Variants in CCDC7 observed in about 807,000 individuals in gnomAD.
CCDC7 encodes coiled-coil domain containing 7.
Under a neutral mutation model 196.9 loss-of-function variants are expected in CCDC7, and 183 were observed. The observed-to-expected ratio is 0.93, with a 90% CI of 0.82 to 1.05. The LOEUF is 1.05. Among genes scored for constraint, CCDC7 ranks in the 50% least tolerant of loss-of-function variants. The pLI is 0.00. For synonymous variants in CCDC7, 525 were observed against 484.6 expected, an observed-to-expected ratio of 1.08 and a Z score of -1.10; for missense variants, 1,540 against 1,482.2, an observed-to-expected ratio of 1.04 and a Z score of -0.64.
chr10:32,555,249 A>ATT (rs35124238), intron 13 of CCDC7, among the ~76,000 whole-genome samples: 10 of 142,928 alleles, frequency 7.0e-5, no homozygotes, highest in Non-Finnish European at 9.2e-5. Context: ...TCTATTTTTA[A>ATT]TTTTTTTTTT....
At position 32,579,389 on chromosome 10, in the gene CCDC7, T is replaced by C. The variant is rs150864630; in HGVS notation, c.1455-3645T>C. Among the ~76,000 whole-genome samples, 1,114 of 152,326 alleles carry C rather than the reference T, an allele frequency of 7.3e-3. 7 individuals carry two copies. Among genetic ancestry groups the C allele is most frequent in the Non-Finnish European group, 0.012 (813 of 68,034 alleles). On this transcript the variant is annotated intron_variant, in intron 16 of 41. Transcript: ENST00000639629. ...TTTCACCATGTGCTTGGCCAGCCAT[T>C]ATGGAGGTTATCAATAGATAATTAT...
Position 32,525,919 on chromosome 10 carries a change from C to G in CCDC7, c.993+7414C>G, listed in dbSNP as rs80340520. ...GAACTGGGGGTGTGTTGTGCAAGCACCCCTGTGGTCACCACCATTGAGACT... is the reference window on the plus strand; with the variant it reads ...GAACTGGGGGTGTGTTGTGCAAGCAGCCCTGTGGTCACCACCATTGAGACT... On this transcript the variant is annotated intron_variant, in intron 11 of 41. Transcript: ENST00000639629. Among the ~76,000 whole-genome samples, 11 of 152,284 alleles carry G rather than the reference C, an allele frequency of 7.2e-5. No individual in the cohort carries two copies. In the East Asian group the frequency reaches 2.1e-3, roughly 29 times the overall value.
At chr10:32,610,917 C>G (rs1029950451) in intron 18 of CCDC7, among the ~76,000 whole-genome samples, 1 of 152,092 alleles carries the variant, frequency 6.6e-6, no homozygotes, top group African/African-American at 2.4e-5. Context: ...AAATAACTTA[C>G]AATCCTTTGA....
chr10:32,651,376 G>T (rs905485733), intron 20 of CCDC7, among the ~76,000 whole-genome samples: 4 of 152,138 alleles, frequency 2.6e-5, no homozygotes, highest in Non-Finnish European at 5.9e-5. Context: ...GGTGTTTTCT[G>T]TCCAGAGATT....
chr10:32,876,719 C>T (rs2094605418), downstream of CCDC7: 1 of 193,922 alleles, frequency 5.2e-6, no homozygotes, highest in African/African-American at 2.4e-5. Flanking sequence ...GCATAACCAA[C>T]TTAGAAAAAG....
intron 28 of CCDC7, among the ~76,000 whole-genome samples, chr10:32,756,062 G>T (rs1458120326): frequency 6.6e-6 from 1 of 152,098 alleles, no homozygotes; most frequent in African/African-American, 2.4e-5. Flanking sequence ...AGAGAAAAAA[G>T]AATAAAAAGA....
chr10:32,632,724 A>C (rs1371898305), intron 18 of CCDC7, among the ~76,000 whole-genome samples: 1 of 152,012 alleles, frequency 6.6e-6, no homozygotes, highest in African/African-American at 2.4e-5. Flanking sequence ...GTGTTGTTTA[A>C]ATTCCACTTA....
intron 41 of CCDC7, among the ~76,000 whole-genome samples, chr10:32,865,402 TACAC>T (rs57916933): frequency 0.58 from 86,867 of 148,692 alleles, 25,641 homozygotes; most frequent in South Asian, 0.68. Context: ...ACTCCTATTA[TACAC>T]ACACACACAC....
At chr10:32,676,514 A>G (rs1222235174) in intron 21 of CCDC7, among the ~76,000 whole-genome samples, 5 of 151,992 alleles carry the variant, frequency 3.3e-5, no homozygotes, top group Non-Finnish European at 7.4e-5. Flanking sequence ...AACTCAAACA[A>G]ATTTACAAGA....
intron 37 of CCDC7, among the ~76,000 whole-genome samples, chr10:32,846,950 A>G (rs2093322986): frequency 6.6e-6 from 1 of 152,230 alleles, no homozygotes; most frequent in African/African-American, 2.4e-5. Flanking sequence ...TTCAGAGATT[A>G]CATTACTGGC....
At position 32,832,418 on chromosome 10, in the gene CCDC7, G is replaced by T. The variant is rs531834133; in HGVS notation, c.3269-2397G>T. ...CTCATGAGGCTGAGGCAGGAGAATC[G>T]CTTGAACCCGGGAGGTGGAGTTTGC... On this transcript the variant is annotated intron_variant, in intron 32 of 41. Transcript: ENST00000639629. Among the ~76,000 whole-genome samples the T allele has an allele frequency of 2.0e-5, 3 of 152,130 alleles. No homozygotes were observed. In the South Asian group the frequency reaches 6.2e-4, roughly 32 times the overall value.
chr10:32,502,842 T>G (rs923665419), intron 9 of CCDC7, among the ~76,000 whole-genome samples: 11 of 152,212 alleles, frequency 7.2e-5, no homozygotes, highest in Admixed American at 2.6e-4. Context: ...CAACATCTTA[T>G]AGTTTTCAGT....
At chr10:32,870,189 A>G (rs2094375482) in intron 41 of CCDC7, among the ~76,000 whole-genome samples, 1 of 152,082 alleles carries the variant, frequency 6.6e-6, no homozygotes, top group African/African-American at 2.4e-5. Flanking sequence ...CTTGGGCAGT[A>G]TGGCCATTTT....
intron 28 of CCDC7, among the ~76,000 whole-genome samples, chr10:32,752,831 C>T (rs779719194): frequency 7.2e-5 from 11 of 152,144 alleles, no homozygotes; most frequent in Non-Finnish European, 1.5e-4. Flanking sequence ...ACCTTGGTCT[C>T]AGACCCCTGT....
At chr10:32,693,255 A>G (rs913256890) in intron 23 of CCDC7, among the ~76,000 whole-genome samples, 2 of 152,210 alleles carry the variant, frequency 1.3e-5, no homozygotes, top group African/African-American at 2.4e-5. Flanking sequence ...GTAAAACAAT[A>G]TATATGCAAA....
Position 32,567,906 on chromosome 10 carries a change from A to G in CCDC7, c.1419+15A>G. Reference sequence around the variant, plus strand: ...AATATCCACAGGTGAGGAAATAACCAAAATGGAGACAGTAGTATATGTTGT... The same window carrying G: ...AATATCCACAGGTGAGGAAATAACCGAAATGGAGACAGTAGTATATGTTGT... On this transcript the variant is annotated intron_variant, in intron 15 of 41. Transcript: ENST00000639629. The G allele has an allele frequency of 6.2e-7, 1 of 1,606,476 alleles. No homozygotes were observed.
chr10:32,506,985 T>C (rs943461099), intron 9 of CCDC7, among the ~76,000 whole-genome samples: 3 of 152,182 alleles, frequency 2.0e-5, no homozygotes, highest in Non-Finnish European at 4.4e-5. Flanking sequence ...TGGTTTTGAT[T>C]TGCATGGAGT....
chr10:32,740,009 A>G (rs1324549604), intron 28 of CCDC7, among the ~76,000 whole-genome samples: 6 of 152,106 alleles, frequency 3.9e-5, no homozygotes, highest in African/African-American at 1.2e-4. Flanking sequence ...ATAATCCTCT[A>G]ATTAGGTCTC....
rs372071429 is a variant in CCDC7 at position 32,874,329 on chromosome 10, C to T, written c.4112-2018C>T. Among the ~76,000 whole-genome samples the T allele has an allele frequency of 9.4e-4, 143 of 151,558 alleles. 4 individuals are homozygous for T. In the East Asian group the frequency reaches 0.027, roughly 28 times the overall value. ...TGTGGGGGTACAAGTGGTCTTTTGTCCCCTGGCTGAATTGTATGGTGGTGA... is the reference window on the plus strand; with the variant it reads ...TGTGGGGGTACAAGTGGTCTTTTGTTCCCTGGCTGAATTGTATGGTGGTGA... On this transcript the variant is annotated intron_variant, in intron 41 of 41. Coordinates refer to ENST00000639629, the Ensembl canonical transcript of CCDC7.
Sources: allele counts gnomAD v4.1 joint callset (sites outside exome capture counted in the v4.1 genomes callset), GRCh38; gene constraint gnomAD v4.1.1; transcripts MANE v1.5; gene names NCBI Gene and HGNC (gene_info 2026-07-23, HGNC 2026-07-21).